The following TIAM2 variants were observed in gnomAD, a reference collection of about 807,000 sequenced individuals.
TIAM2 encodes TIAM Rac1 associated GEF 2.
Under a neutral mutation model 152.9 loss-of-function variants are expected in TIAM2, and 80 were observed. The ratio of observed to expected loss-of-function variants is 0.52; its 90% CI spans 0.44 to 0.63. The LOEUF (loss-of-function observed/expected upper bound fraction) is 0.63. TIAM2 is among the 30% of genes least tolerant of loss of function. TIAM2 has a pLI of 0.00. For missense variants in TIAM2, 1,965 were observed against 2,120.1 expected, an observed-to-expected ratio of 0.93 and a Z score of 1.44; for synonymous variants, 804 against 838.0, an observed-to-expected ratio of 0.96 and a Z score of 0.70.
At position 155,234,895 on chromosome 6, in the gene TIAM2, C is replaced by T. The variant is rs564286678; in HGVS notation, c.3169-5635C>T. 1.2e-4 allele frequency among the ~76,000 whole-genome samples: 19 copies of T among 152,318 alleles called. 1 individual carries two copies. The East Asian group carries it at 1.3e-3, about 11-fold the overall frequency. ...CATGGGAGGCAGAGGCAGCAGGAGGCGTGAGGAACTAGATTGCTTTGCCTG... is the reference window on the plus strand; with the variant it reads ...CATGGGAGGCAGAGGCAGCAGGAGGTGTGAGGAACTAGATTGCTTTGCCTG... On this transcript the variant is annotated intron_variant, in intron 15 of 26. Transcript: ENST00000682666.
At chr6:155,099,497 G>C (rs188506537) in intron 2 of TIAM2, among the ~76,000 whole-genome samples, 2 of 152,078 alleles carry the variant, frequency 1.3e-5, no homozygotes, top group Admixed American at 1.3e-4. Flanking sequence ...TCTTCATTTT[G>C]TTTTCATTTA....
chr6:155,020,617 A>G (rs1314698793), intron 1 of TIAM2, among the ~76,000 whole-genome samples: 1 of 151,422 alleles, frequency 6.6e-6, no homozygotes, highest in Non-Finnish European at 1.5e-5. Context: ...GTGCATCACC[A>G]CACCAGGCTA....
intron 1 of TIAM2, among the ~76,000 whole-genome samples, chr6:155,071,731 C>T (rs1777842130): frequency 2.0e-5 from 3 of 152,018 alleles, no homozygotes; most frequent in Non-Finnish European, 4.4e-5. Flanking sequence ...CCCATCTCTA[C>T]TAAAAACTAC....
At chr6:155,079,504 C>A (rs1778018403) in intron 1 of TIAM2, among the ~76,000 whole-genome samples, 1 of 152,226 alleles carries the variant, frequency 6.6e-6, no homozygotes, top group South Asian at 2.1e-4. Context: ...GCCTAGCACA[C>A]CAACCTTGCT....
Position 155,240,548 on chromosome 6 carries a change from G to C in TIAM2, c.3187G>C (p.Ala1063Pro). ...CTCTCAGAGTGCTGAGCAGATCACT[G>C]CACTGTGCAGGAGTTTTAACGACAG... is the stretch of plus-strand genomic sequence containing the variant. The part of the protein sequence containing the change: ...QTFRSAEQIT[A>P]LCRSFNDSQA... The change falls in exon 16 of 27, where the codon GCA becomes CCA. Residue 1063 changes from alanine (A) to proline (P), a missense_variant. Ala to Pro is a conservative substitution (Grantham distance 27). This residue lies in a region of TIAM2 where 935 missense variants were observed against 980.0 expected (regional missense o/e 0.95). Coordinates refer to ENST00000682666, the MANE Select transcript of TIAM2 (RefSeq NM_012454.4). 4 of 1,613,808 alleles carry C rather than the reference G, an allele frequency of 2.5e-6. No homozygotes were observed. The highest frequency in any genetic ancestry group is 2.5e-6 in the Non-Finnish European group (3 of 1,179,916).
intron 12 of TIAM2, among the ~76,000 whole-genome samples, chr6:155,180,406 T>C (rs1030407609): frequency 2.6e-5 from 4 of 152,186 alleles, no homozygotes; most frequent in Non-Finnish European, 4.4e-5. Context: ...ATAGAAACAC[T>C]GAATGATTAG....
At chr6:155,057,837 C>T (rs150189961) in intron 1 of TIAM2, among the ~76,000 whole-genome samples, 12 of 152,142 alleles carry the variant, frequency 7.9e-5, no homozygotes, top group African/African-American at 2.2e-4. Flanking sequence ...TGAGCCACCG[C>T]GCCTGGCCCC....
In TIAM2 at chr6:155,213,684, C is replaced by T. The variant is rs979760223; in HGVS notation, c.3168+2377C>T. Among the ~76,000 whole-genome samples the T allele has an allele frequency of 5.3e-4, 80 of 152,340 alleles. 1 individual carries two copies. Among genetic ancestry groups the T allele is most frequent in the African/African-American group, 1.8e-3 (73 of 41,584 alleles). ...ACCCAGGAGCCTGTCTGCGTCCTGC[C>T]ACTCTTCCTGGTGCCCAGGCTGTTT... On this transcript the variant is annotated intron_variant, in intron 15 of 26. Transcript: ENST00000682666. This position sits in a 1 kb window ranked among gnomAD's most constrained non-coding sequence, Gnocchi z 4.2.
intron 14 of TIAM2, among the ~76,000 whole-genome samples, chr6:155,188,930 G>A (rs1481259928): frequency 6.6e-6 from 1 of 152,172 alleles, no homozygotes; most frequent in African/African-American, 2.4e-5. Context: ...ATCCAACACA[G>A]GCTTACCAGA....
chr6:155,170,350 C>T (rs909072342), intron 9 of TIAM2, among the ~76,000 whole-genome samples: 1 of 152,148 alleles, frequency 6.6e-6, no homozygotes, highest in Non-Finnish European at 1.5e-5. Flanking sequence ...AGTTAAGAGG[C>T]CTGGCATGGT....
chr6:155,241,023 G>A lies in TIAM2; in HGVS notation c.3348+314G>A, dbSNP rs541732054. Among the ~76,000 whole-genome samples, 17 of 152,358 alleles carry A rather than the reference G, an allele frequency of 1.1e-4. No individual in the cohort carries two copies. In the South Asian group the frequency reaches 3.3e-3, roughly 30 times the overall value. On this transcript the variant is annotated intron_variant, in intron 16 of 26. Transcript: ENST00000682666. The stretch of plus-strand genomic sequence containing the variant: ...AGTCTGTACTGGTTTAGTATAAGGG[G>A]AGAGAGATCACTTTAGGTGATGAGG...
intron 7 of TIAM2, among the ~76,000 whole-genome samples, chr6:155,160,130 A>T (rs1474821720): frequency 2.6e-5 from 4 of 152,162 alleles, no homozygotes; most frequent in Non-Finnish European, 5.9e-5. Flanking sequence ...GACCTGGGAG[A>T]GACAATGGTA....
intron 7 of TIAM2, among the ~76,000 whole-genome samples, chr6:155,162,188 G>T (rs1241963587): frequency 6.6e-6 from 1 of 151,402 alleles, no homozygotes; most frequent in Non-Finnish European, 1.5e-5. Context: ...AAACTCCTGG[G>T]CTCAAGCAGT....
At chr6:155,144,323 T>A (rs578049295) in intron 5 of TIAM2, among the ~76,000 whole-genome samples, 1 of 152,356 alleles carries the variant, frequency 6.6e-6, no homozygotes, top group African/African-American at 2.4e-5. Context: ...CTATGGGGAT[T>A]AAATAAGCCA....
At chr6:155,069,233 T>C (rs1242316628) in intron 1 of TIAM2, among the ~76,000 whole-genome samples, 2 of 152,132 alleles carry the variant, frequency 1.3e-5, no homozygotes, top group African/African-American at 4.8e-5. Flanking sequence ...TAGCTGGGAT[T>C]ACAGGTATGT....
intron 15 of TIAM2, among the ~76,000 whole-genome samples, chr6:155,228,198 C>T (rs191525886): frequency 3.3e-5 from 5 of 152,100 alleles, no homozygotes; most frequent in Non-Finnish European, 5.9e-5. Context: ...GGGATCTCCC[C>T]CTTCGAGTAT....
intron 1 of TIAM2, among the ~76,000 whole-genome samples, chr6:155,031,941 A>G (rs1291786103): frequency 6.6e-6 from 1 of 152,226 alleles, no homozygotes; most frequent in African/African-American, 2.4e-5. Context: ...TATGAAAGCT[A>G]TTTTAATTCG....
intron 1 of TIAM2, among the ~76,000 whole-genome samples, chr6:155,001,490 C>T (rs1046555732): frequency 1.3e-5 from 2 of 152,156 alleles, no homozygotes; most frequent in Non-Finnish European, 2.9e-5. Flanking sequence ...AAAAAAAATG[C>T]CCACGGATGG....
chr6:155,104,861 A>G (rs573765671), intron 2 of TIAM2, among the ~76,000 whole-genome samples: 10 of 152,324 alleles, frequency 6.6e-5, no homozygotes, highest in South Asian at 2.1e-4. Context: ...ATGTGTATGT[A>G]AAATACAGTT....
Sources: gnomAD v4.1 joint callset for allele counts (sites outside exome capture counted in the v4.1 genomes callset) on GRCh38, gnomAD v4.1.1 for gene constraint, gnomAD v4.1.1 regional missense constraint, Gnocchi (gnomAD v3.1) non-coding constraint, MANE v1.5 for transcripts, NCBI Gene and HGNC (gene_info 2026-07-23, HGNC 2026-07-21) for gene names.